The following REV3L variants were observed in gnomAD, a reference collection of about 807,000 sequenced individuals.
REV3L encodes DNA polymerase zeta catalytic subunit.
A neutral mutation model predicts 299.4 loss-of-function variants in REV3L; 69 were observed. The ratio of observed to expected loss-of-function variants is 0.23; its 90% CI spans 0.19 to 0.28. The LOEUF is 0.28. Among genes scored for constraint, REV3L ranks in the 10% least tolerant of loss-of-function variants. REV3L has a pLI of 1.00. For synonymous variants in REV3L, 1,238 were observed against 1,271.4 expected (o/e 0.97, Z 0.56); for missense variants, 3,128 against 3,693.8 (o/e 0.85, Z 3.97).
chr6:111,333,070 A>G (rs1294739497), intron 23 of REV3L, 53 bp downstream of exon 23: 2 of 1,588,874 alleles, frequency 1.3e-6, no homozygotes, highest in Non-Finnish European at 1.7e-6. Flanking sequence ...GTCTAATTTT[A>G]GTAAGAAGTA....
chr6:111,352,285 GGC>G (rs549296472), intron 18 of REV3L, among the ~76,000 whole-genome samples: 282 of 152,230 alleles, frequency 1.9e-3, no homozygotes, highest in Non-Finnish European at 3.5e-3. Flanking sequence ...TGGGATTATA[GGC>G]GATTTGACGC....
rs930757431 is a variant in REV3L, at chr6:111,409,149, G to A, written c.404+2331C>T. Among the ~76,000 whole-genome samples the A allele has an allele frequency of 1.5e-4, 23 of 152,164 alleles. 1 individual carries two copies. Among genetic ancestry groups the A allele is most frequent in the Non-Finnish European group, 2.9e-5 (2 of 68,034 alleles). On this transcript the variant is annotated intron_variant, in intron 3 of 31. Coordinates refer to ENST00000368802, the MANE Select transcript of REV3L (RefSeq NM_001372078.1). Reference sequence around the variant, plus strand: ...TAGCTGGATTATTACATCAGCTTCTGTTCAATCTGTTGCAGTATATTGCTT... The same window carrying A: ...TAGCTGGATTATTACATCAGCTTCTATTCAATCTGTTGCAGTATATTGCTT...
chr6:111,389,563 A>C (rs1019674286), intron 6 of REV3L, among the ~76,000 whole-genome samples: 3 of 152,214 alleles, frequency 2.0e-5, no homozygotes, highest in South Asian at 4.2e-4. Context: ...TTTTAGTATC[A>C]TCTATTCAAA....
At chr6:111,400,522 A>G (rs1270489168) in intron 4 of REV3L, among the ~76,000 whole-genome samples, 1 of 152,052 alleles carries the variant, frequency 6.6e-6, no homozygotes, top group African/African-American at 2.4e-5. Flanking sequence ...TGCCATCCTT[A>G]TATCTTCTTT....
At chr6:111,464,676 T>A (rs986802066) in intron 1 of REV3L, among the ~76,000 whole-genome samples, 7 of 152,126 alleles carry the variant, frequency 4.6e-5, no homozygotes, top group African/African-American at 1.7e-4. Flanking sequence ...CATACACTTT[T>A]AAAAATGAGT....
At chr6:111,440,835 CT>C (rs1788181516) in intron 1 of REV3L, among the ~76,000 whole-genome samples, 1 of 152,150 alleles carries the variant, frequency 6.6e-6, no homozygotes, top group South Asian at 2.1e-4. Flanking sequence ...TTTTATTTCT[CT>C]TTCATTTTGA....
intron 24 of REV3L, chr6:111,330,942 T>A (rs490652): frequency 1.0e-6 from 1 of 971,132 alleles, no homozygotes; most frequent in Non-Finnish European, 1.2e-6. Context: ...TCCCTCTTAC[T>A]GGTAGAGAAT....
chr6:111,306,198 G>C (rs1772264134), intron 31 of REV3L, among the ~76,000 whole-genome samples: 1 of 152,106 alleles, frequency 6.6e-6, no homozygotes, highest in Non-Finnish European at 1.5e-5. Context: ...TGCAAGGAAG[G>C]CTTCACCCAG....
At chr6:111,338,516 A>G (rs1459336436) in intron 21 of REV3L, among the ~76,000 whole-genome samples, 1 of 150,914 alleles carries the variant, frequency 6.6e-6, no homozygotes, top group African/African-American at 2.4e-5. Context: ...TACTAATTTA[A>G]AAGTATATAA....
chr6:111,367,358 T>C lies in REV3L; in HGVS notation c.6430A>G (p.Arg2144Gly). The C allele has an allele frequency of 1.2e-6, 2 of 1,607,342 alleles. No individual in the cohort carries two copies. The highest frequency in any genetic ancestry group is 1.7e-6 in the Non-Finnish European group (2 of 1,177,526). Residue 2144 changes from arginine to glycine, a missense_variant, in exon 14 of 32, where the codon AGA (arginine) becomes GGA (glycine). Arg to Gly is a moderately radical substitution (Grantham distance 125). Coordinates refer to ENST00000368802, the MANE Select transcript of REV3L (RefSeq NM_001372078.1). ...PDSKALNGDD[R>G]PSSPVEELPS... ...AGCTCCTCTACTGGTGATGAGGGTC[T>C]ATCATCTCCATTTAATGCTTTGGAA...
intron 9 of REV3L, among the ~76,000 whole-genome samples, chr6:111,384,138 C>T (rs13213522): frequency 0.056 from 8,545 of 152,188 alleles, 273 homozygotes; most frequent in Middle Eastern, 0.085. Context: ...AAGACTCAAA[C>T]TATGAAAATA....
intron 16 of REV3L, chr6:111,360,846 A>T (rs1320504882): frequency 6.6e-6 from 1 of 152,056 alleles, no homozygotes; most frequent in Non-Finnish European, 1.5e-5. Context: ...AAACAAATAC[A>T]AATCTACCAC....
At position 111,375,721 on chromosome 6, in the gene REV3L, A is replaced by T. The variant is rs759669210; in HGVS notation, c.2634T>A (p.Thr878=). ...TTTCAAAAGCTCCACGAGTGGTTTTAGTTAAATCACTAGCCAATGCATTAT... is the reference window on the plus strand; with the variant it reads ...TTTCAAAAGCTCCACGAGTGGTTTTTGTTAAATCACTAGCCAATGCATTAT... The part of the protein sequence containing the change: ...EKDNALASDL[T]KTTRGAFENK... Residue 878 remains threonine, a synonymous_variant, in exon 13 of 32, where the codon ACT becomes ACA. Transcript: ENST00000368802. 1 of 1,614,018 alleles carries T rather than the reference A, an allele frequency of 6.2e-7. No individual in the cohort carries two copies. Among genetic ancestry groups the T allele is most frequent in the South Asian group, 1.1e-5 (1 of 91,078 alleles).
chr6:111,483,229 A>G, upstream of REV3L: 1 of 249,688 alleles, frequency 4.0e-6, no homozygotes, highest in Non-Finnish European at 7.7e-6. Flanking sequence ...GGACGCAACC[A>G]CTGGGGGGAG....
chr6:111,299,702 C>T lies in REV3L; in HGVS notation c.*314G>A, dbSNP rs55962943. ...TTTTCTTTAAGAGGTTTTCAGTGCT[C>T]CTTCCACTGGGAAGTAAACATGATC... On this transcript the variant is annotated 3_prime_UTR_variant, in exon 32 of 32. Coordinates refer to ENST00000368802, the MANE Select transcript of REV3L (RefSeq NM_001372078.1). 889 of 181,396 alleles carry T rather than the reference C, an allele frequency of 4.9e-3. 9 individuals are homozygous for T. Among genetic ancestry groups the T allele is most frequent in the African/African-American group, 0.019 (806 of 42,674 alleles). 11.2% of individuals were successfully genotyped at this position (181,396 alleles called of 1,614,324 possible). A position where few individuals can be genotyped will look rare whatever the true frequency, so the allele number is the denominator to read the frequency against.
chr6:111,429,794 G>A (rs751014325), intron 1 of REV3L, among the ~76,000 whole-genome samples: 1 of 152,114 alleles, frequency 6.6e-6, no homozygotes, highest in African/African-American at 2.4e-5. Flanking sequence ...GGCGCGGGGG[G>A]TGAGCACAGG....
chr6:111,325,023 G>A (rs1193728713), intron 25 of REV3L, among the ~76,000 whole-genome samples: 1 of 152,006 alleles, frequency 6.6e-6, no homozygotes, highest in African/African-American at 2.4e-5. Flanking sequence ...CACTACGCCC[G>A]GCTAATTTTT....
At chr6:111,470,048 TCTTA>T in intron 1 of REV3L, among the ~76,000 whole-genome samples, 1 of 152,266 alleles carries the variant, frequency 6.6e-6, no homozygotes, top group African/African-American at 2.4e-5. Context: ...GATATTAAAA[TCTTA>T]CTATCACCTT....
chr6:111,399,779 T>C (rs574868503), intron 4 of REV3L, among the ~76,000 whole-genome samples: 1 of 152,280 alleles, frequency 6.6e-6, no homozygotes, highest in South Asian at 2.1e-4. Context: ...ACTGGTGACA[T>C]TAAACCTCAT....
Sources: gnomAD v4.1 joint callset for allele counts (sites outside exome capture counted in the v4.1 genomes callset) on GRCh38, gnomAD v4.1.1 for gene constraint, MANE v1.5 for transcripts, NCBI Gene and HGNC (gene_info 2026-07-23, HGNC 2026-07-21) for gene names.